Variants in MARCHF3 observed in about 807,000 individuals in gnomAD.
The protein encoded by MARCHF3 is membrane associated ring-CH-type finger 3, also known as E3 ubiquitin-protein ligase MARCHF3.
Under a neutral mutation model 24.2 loss-of-function variants are expected in MARCHF3, and 13 were observed. The ratio of observed to expected loss-of-function variants is 0.54; its 90% CI spans 0.35 to 0.85. The LOEUF (loss-of-function observed/expected upper bound fraction) is 0.85. MARCHF3 is among the 40% of genes least tolerant of loss of function. The pLI, the probability that MARCHF3 is intolerant of heterozygous loss-of-function variation, is 0.01. For synonymous variants in MARCHF3, 144 were observed against 137.3 expected, an observed-to-expected ratio of 1.05 and a Z score of -0.34; for missense variants, 276 against 325.0, an observed-to-expected ratio of 0.85 and a Z score of 1.16.
At chr5:126,945,816 G>A (rs538956862) in intron 1 of MARCHF3, among the ~76,000 whole-genome samples, 18 of 152,236 alleles carry the variant, frequency 1.2e-4, no homozygotes, top group African/African-American at 4.1e-4. Context: ...AACAATTATG[G>A]TATTCACATC....
chr5:126,884,766 C>T (rs1023547354), intron 3 of MARCHF3, among the ~76,000 whole-genome samples: 3 of 152,326 alleles, frequency 2.0e-5, no homozygotes, highest in African/African-American at 4.8e-5. Flanking sequence ...CAGGCTAGGT[C>T]GCCATCATCT....
intron 1 of MARCHF3, among the ~76,000 whole-genome samples, chr5:126,933,150 A>G (rs1234859205): frequency 6.6e-6 from 1 of 152,214 alleles, no homozygotes; most frequent in African/African-American, 2.4e-5. Context: ...ACTTTTGGGT[A>G]TCTGGGTCAT....
At chr5:126,924,009 A>T (rs1749215985) in intron 1 of MARCHF3, among the ~76,000 whole-genome samples, 1 of 151,916 alleles carries the variant, frequency 6.6e-6, no homozygotes, top group Non-Finnish European at 1.5e-5. Context: ...GGGTCCAGCC[A>T]TCTCAAATCC....
chr5:126,987,895 T>A (rs1751621135), intron 1 of MARCHF3, among the ~76,000 whole-genome samples: 1 of 152,078 alleles, frequency 6.6e-6, no homozygotes, highest in African/African-American at 2.4e-5. Flanking sequence ...GGGCCAAATA[T>A]CAGAGGACTC....
At chr5:126,932,613 T>C (rs1749514729) in intron 1 of MARCHF3, among the ~76,000 whole-genome samples, 1 of 152,176 alleles carries the variant, frequency 6.6e-6, no homozygotes, top group African/African-American at 2.4e-5. Flanking sequence ...AGTGGGAACC[T>C]AAGGAAAGTA....
At chr5:126,900,703 A>AT (rs1367764047) in intron 3 of MARCHF3, among the ~76,000 whole-genome samples, 5,496 of 142,588 alleles carry the variant, frequency 0.039, 187 homozygotes, top group South Asian at 0.14. Flanking sequence ...TTCTTCTTTA[A>AT]TTTTTTTTTT....
chr5:126,927,801 G>GTT (rs142877150), intron 1 of MARCHF3, among the ~76,000 whole-genome samples: 1 of 150,962 alleles, frequency 6.6e-6, no homozygotes, highest in Non-Finnish European at 1.5e-5. Context: ...CTGTTTGTTT[G>GTT]TTTTTTTTTG....
intron 1 of MARCHF3, among the ~76,000 whole-genome samples, chr5:127,025,902 A>C (rs558802145): frequency 6.6e-6 from 1 of 151,736 alleles, no homozygotes; most frequent in Non-Finnish European, 1.5e-5. Flanking sequence ...TTGGGAACTT[A>C]AGGGGGCATT....
At chr5:127,004,893 A>G (rs929435792) in intron 1 of MARCHF3, among the ~76,000 whole-genome samples, 2 of 151,866 alleles carry the variant, frequency 1.3e-5, no homozygotes, top group Admixed American at 6.6e-5. Context: ...TTGCCTTACC[A>G]TCTCTGTTTT....
intron 3 of MARCHF3, among the ~76,000 whole-genome samples, chr5:126,879,105 C>T (rs1441516263): frequency 6.6e-6 from 1 of 152,110 alleles, no homozygotes; most frequent in Non-Finnish European, 1.5e-5. Context: ...GGTGAGCTTC[C>T]CAGATTGGCA....
At chr5:126,917,948 CAA>C in intron 2 of MARCHF3, 34 bp downstream of exon 2, 3 of 1,591,694 alleles carry the variant, frequency 1.9e-6, no homozygotes, top group Admixed American at 1.7e-5. Flanking sequence ...TTCTCTGGAT[CAA>C]TTACAGATTC....
intron 1 of MARCHF3, among the ~76,000 whole-genome samples, chr5:126,955,898 G>A (rs1750421487): frequency 6.6e-6 from 1 of 152,130 alleles, no homozygotes; most frequent in South Asian, 2.1e-4. Flanking sequence ...ATATTTGCCT[G>A]CATTTCTTTC....
At chr5:126,904,542 A>G (rs1338273407) in intron 3 of MARCHF3, among the ~76,000 whole-genome samples, 1 of 148,776 alleles carries the variant, frequency 6.7e-6, no homozygotes, top group Non-Finnish European at 1.5e-5. Context: ...TGTGGCTTTG[A>G]TTTGTGTTTC....
intron 1 of MARCHF3, among the ~76,000 whole-genome samples, chr5:126,933,928 A>G (rs974653146): frequency 2.6e-5 from 4 of 152,244 alleles, no homozygotes; most frequent in African/African-American, 9.6e-5. Context: ...TTGTGTATCT[A>G]CAAATGATTG....
At chr5:126,873,751 T>A (rs1197083281) in intron 4 of MARCHF3, among the ~76,000 whole-genome samples, 2 of 152,246 alleles carry the variant, frequency 1.3e-5, no homozygotes, top group Admixed American at 6.5e-5. Context: ...ATTTTAATTG[T>A]GGTTAATCAC....
At chr5:127,027,726 A>G (rs1045664302) in intron 1 of MARCHF3, among the ~76,000 whole-genome samples, 3 of 152,222 alleles carry the variant, frequency 2.0e-5, no homozygotes, top group Non-Finnish European at 4.4e-5. Flanking sequence ...CATTACCTAT[A>G]AATTTCACAA....
chr5:126,922,149 T>C (rs1749130687), intron 1 of MARCHF3, among the ~76,000 whole-genome samples: 1 of 152,178 alleles, frequency 6.6e-6, no homozygotes, highest in Non-Finnish European at 1.5e-5. Flanking sequence ...GGAAGCAGGC[T>C]CTGCTCACCT....
At chr5:126,987,738 A>G (rs892471536) in intron 1 of MARCHF3, among the ~76,000 whole-genome samples, 2 of 152,204 alleles carry the variant, frequency 1.3e-5, no homozygotes, top group African/African-American at 2.4e-5. Context: ...GGGAAGCTGC[A>G]ACAGAGACTG....
chr5:126,958,100 T>C lies in MARCHF3; in HGVS notation c.-56-39873A>G, dbSNP rs549822120. On this transcript the variant is annotated intron_variant, in intron 1 of 4. Coordinates refer to ENST00000308660, the MANE Select transcript of MARCHF3 (RefSeq NM_178450.5). ...TTGTATACAGATTTTTATTATCAAA[T>C]TTTTATTTATTACTTTGTGTTGATT... Among the ~76,000 whole-genome samples, 3 of 152,252 alleles carry C rather than the reference T, an allele frequency of 2.0e-5. No homozygotes were observed. The East Asian group carries it at 5.8e-4, about 29-fold the overall frequency.
Sources: allele counts gnomAD v4.1 joint callset (sites outside exome capture counted in the v4.1 genomes callset), GRCh38; gene constraint gnomAD v4.1.1; transcripts MANE v1.5; gene names NCBI Gene and HGNC (gene_info 2026-07-23, HGNC 2026-07-21).